DLGAP2: variants seen among roughly 807,000 people sequenced by gnomAD.
DLGAP2 encodes the protein DLG associated protein 2, also known as disks large-associated protein 2.
In DLGAP2, 26 loss-of-function variants were observed where a neutral mutation model predicts 100.3. The ratio of observed to expected loss-of-function variants is 0.26; its 90% CI spans 0.19 to 0.36. The LOEUF is 0.36. DLGAP2 is among the 10% of genes least tolerant of loss of function. The pLI is 1.00. For synonymous variants in DLGAP2, 886 were observed against 630.1 expected, an observed-to-expected ratio of 1.41 and a Z score of -6.08; for missense variants, 1,858 against 1,453.2, an observed-to-expected ratio of 1.28 and a Z score of -4.53.
chr8:1,295,520 C>G lies in DLGAP2; in HGVS notation c.106+36637C>G, dbSNP rs146287620. On this transcript the variant is annotated intron_variant, in intron 3 of 14. Coordinates refer to ENST00000637795, the MANE Select transcript of DLGAP2 (RefSeq NM_001346810.2). ...GTCCACCGTGATCTGCTGGAGCACC[C>G]CAGCCATCCTGCCCCACCGAAGTGG... Among the ~76,000 whole-genome samples the G allele has an allele frequency of 1.4e-3, 219 of 152,296 alleles. 1 individual carries two copies. The highest frequency in any genetic ancestry group is 2.7e-3 in the Non-Finnish European group (181 of 68,028).
chr8:935,416 A>T (rs537445708), intron 2 of DLGAP2, among the ~76,000 whole-genome samples: 2 of 152,314 alleles, frequency 1.3e-5, no homozygotes, highest in South Asian at 2.1e-4. Context: ...ATGAAAACAC[A>T]TGTGAAGTAG....
chr8:1,523,177 T>G, intron 4 of DLGAP2, among the ~76,000 whole-genome samples: 1 of 152,180 alleles, frequency 6.6e-6, no homozygotes, highest in Non-Finnish European at 1.5e-5. Context: ...GGCCCCCCTC[T>G]GGTGGTCCGG....
intron 5 of DLGAP2, among the ~76,000 whole-genome samples, chr8:1,554,775 C>G (rs992096793): frequency 1.3e-5 from 2 of 151,952 alleles, no homozygotes; most frequent in Non-Finnish European, 2.9e-5. Flanking sequence ...CCCCAGCCCC[C>G]CCTCCCCCGC....
Position 1,450,306 on chromosome 8 carries a change from T to C in DLGAP2, c.107-51060T>C, listed in dbSNP as rs112841699. Among the ~76,000 whole-genome samples the C allele has an allele frequency of 9.5e-5, 6 of 63,016 alleles. 1 individual carries two copies. Among genetic ancestry groups the C allele is most frequent in the Admixed American group, 1.6e-4 (1 of 6,188 alleles). The allele number at this position is 63,016 out of a possible 152,430, so 41.3% of individuals were successfully genotyped here. A position where few individuals can be genotyped will look rare whatever the true frequency, so the allele number is the denominator to read the frequency against. On this transcript the variant is annotated intron_variant, in intron 3 of 14. Coordinates refer to ENST00000637795, the MANE Select transcript of DLGAP2 (RefSeq NM_001346810.2). ...GAGGGTGAAGACGAGGTGGGCGGCCTCGGTGGCTGAGGCGGAGCTGTGAGG... is the reference window on the plus strand; with the variant it reads ...GAGGGTGAAGACGAGGTGGGCGGCCCCGGTGGCTGAGGCGGAGCTGTGAGG...
intron 12 of DLGAP2, among the ~76,000 whole-genome samples, chr8:1,690,703 CAAA>C (rs71190752): frequency 1.1e-3 from 68 of 62,074 alleles, no homozygotes; most frequent in African/African-American, 2.7e-3. Context: ...GACCCTATCT[CAAA>C]AAAAAAAAAA....
chr8:1,493,865 C>T (rs1351329378), intron 3 of DLGAP2, among the ~76,000 whole-genome samples: 5 of 152,228 alleles, frequency 3.3e-5, no homozygotes, highest in South Asian at 2.1e-4. Context: ...GCAGTGCTGA[C>T]AGCATCTGTT....
chr8:966,701 C>G (rs1799880444), intron 2 of DLGAP2, among the ~76,000 whole-genome samples: 2 of 152,152 alleles, frequency 1.3e-5, no homozygotes, highest in South Asian at 4.1e-4. Flanking sequence ...CTGGTGGAGT[C>G]TTTTACATCT....
chr8:1,378,929 G>C (rs1211877221), intron 3 of DLGAP2, among the ~76,000 whole-genome samples: 1 of 152,230 alleles, frequency 6.6e-6, no homozygotes, highest in Non-Finnish European at 1.5e-5. Context: ...TGTTAAAACA[G>C]TCAATCACTT....
intron 3 of DLGAP2, among the ~76,000 whole-genome samples, chr8:1,302,933 C>T (rs187453498): frequency 2.6e-5 from 4 of 152,322 alleles, no homozygotes; most frequent in Admixed American, 1.3e-4. Flanking sequence ...TTGGTAGATT[C>T]AGTAAAACAT....
At chr8:1,364,398 G>A (rs1230853183) in intron 3 of DLGAP2, among the ~76,000 whole-genome samples, 5 of 151,840 alleles carry the variant, frequency 3.3e-5, no homozygotes, top group Non-Finnish European at 2.9e-5. Flanking sequence ...GTCTCCTGCT[G>A]TGGGCAGGCC....
chr8:995,831 G>A (rs567554693), intron 2 of DLGAP2, among the ~76,000 whole-genome samples: 1 of 152,212 alleles, frequency 6.6e-6, no homozygotes, highest in African/African-American at 2.4e-5. Flanking sequence ...ATAGAGACTT[G>A]GGGAAGTGAG....
intron 3 of DLGAP2, among the ~76,000 whole-genome samples, chr8:1,485,201 C>T (rs1005826381): frequency 6.6e-6 from 1 of 152,220 alleles, no homozygotes; most frequent in Non-Finnish European, 1.5e-5. Context: ...CCTTTCCTCT[C>T]ATCTTGCCAG....
At chr8:852,218 C>T (rs974733462) in intron 1 of DLGAP2, among the ~76,000 whole-genome samples, 5 of 152,138 alleles carry the variant, frequency 3.3e-5, no homozygotes, top group Admixed American at 6.5e-5. Context: ...TCTCTCTCAC[C>T]TTTCTCTGTC....
chr8:1,500,184 T>C (rs532393693), intron 3 of DLGAP2, among the ~76,000 whole-genome samples: 4 of 152,384 alleles, frequency 2.6e-5, no homozygotes, highest in African/African-American at 9.6e-5. Context: ...CATGTTTACA[T>C]GCACATGTAA....
At chr8:1,195,956 C>T (rs570180877) in intron 2 of DLGAP2, among the ~76,000 whole-genome samples, 5 of 152,318 alleles carry the variant, frequency 3.3e-5, no homozygotes, top group African/African-American at 9.6e-5. Flanking sequence ...ATAGTTACCT[C>T]CATGTTTGGA....
Position 1,288,142 on chromosome 8 carries a change from ATG to A in DLGAP2, c.106+29275_106+29276del, listed in dbSNP as rs1225634002. Among the ~76,000 whole-genome samples, 334 of 52,082 alleles carry A rather than the reference ATG, an allele frequency of 6.4e-3. 1 individual carries two copies. Among genetic ancestry groups the A allele is most frequent in the African/African-American group, 0.018 (233 of 13,184 alleles). 34.2% of individuals were successfully genotyped at this position (52,082 alleles called of 152,430 possible). ...GGAGGGGAACTAGTTTCGGTTGAGT[ATG>A]TGTGTGTGTGTGTGTTTCTGTTAGG... On this transcript the variant is annotated intron_variant, in intron 3 of 14. Transcript: ENST00000637795.
At chr8:1,207,226 C>T (rs138051391) in intron 2 of DLGAP2, among the ~76,000 whole-genome samples, 7 of 152,282 alleles carry the variant, frequency 4.6e-5, no homozygotes, top group Admixed American at 1.3e-4. Context: ...TTTTATCCTC[C>T]ACCCCTTCCC....
chr8:987,770 C>T (rs1291101565), intron 2 of DLGAP2, among the ~76,000 whole-genome samples: 1 of 152,078 alleles, frequency 6.6e-6, no homozygotes, highest in Non-Finnish European at 1.5e-5. Flanking sequence ...TTAAGCGCTT[C>T]TCACTTTTAC....
At chr8:1,100,137 G>A (rs117891488) in intron 2 of DLGAP2, among the ~76,000 whole-genome samples, 4 of 147,112 alleles carry the variant, frequency 2.7e-5, no homozygotes, top group African/African-American at 9.9e-5. Flanking sequence ...GTAGGGAAAA[G>A]CTTTGTCCAG....
Sources: allele counts gnomAD v4.1 joint callset (sites outside exome capture counted in the v4.1 genomes callset), GRCh38; gene constraint gnomAD v4.1.1; transcripts MANE v1.5; gene names NCBI Gene and HGNC (gene_info 2026-07-23, HGNC 2026-07-21).